Variants in SCHIP1 observed in about 807,000 individuals in gnomAD.
The protein encoded by SCHIP1 is schwannomin-interacting protein 1.
Under a neutral mutation model 29.7 loss-of-function variants are expected in SCHIP1, and 8 were observed. The observed-to-expected ratio is 0.27, with a 90% CI of 0.16 to 0.49. SCHIP1 has a LOEUF of 0.49. SCHIP1 is among the 20% of genes least tolerant of loss of function. The pLI, the probability that SCHIP1 is intolerant of heterozygous loss-of-function variation, is 0.99. For missense variants in SCHIP1, 193 were observed against 294.6 expected, an observed-to-expected ratio of 0.66 and a Z score of 2.52; for synonymous variants, 76 against 94.9, an observed-to-expected ratio of 0.80 and a Z score of 1.16.
chr3:159,799,580 G>A, the SCHIP1 span, among the ~76,000 whole-genome samples: 1 of 152,216 alleles, frequency 6.6e-6, no homozygotes, highest in Non-Finnish European at 1.5e-5. Context: ...ACAGGTTTAA[G>A]TGTGATAATA....
At chr3:159,396,926 G>A in the SCHIP1 span, among the ~76,000 whole-genome samples, 1 of 147,962 alleles carries the variant, frequency 6.8e-6, no homozygotes, top group Non-Finnish European at 1.5e-5. Context: ...TTTTCAACTT[G>A]GTTCCATTCT....
the SCHIP1 span, among the ~76,000 whole-genome samples, chr3:159,663,580 C>A: frequency 6.6e-6 from 1 of 152,190 alleles, no homozygotes; most frequent in Admixed American, 6.5e-5. Flanking sequence ...TTAACAGTAC[C>A]TAACTCAGTG....
chr3:159,361,556 C>T, the SCHIP1 span, among the ~76,000 whole-genome samples: 1 of 152,152 alleles, frequency 6.6e-6, no homozygotes, highest in East Asian at 1.9e-4. Flanking sequence ...GGAACCACTG[C>T]AGGGTTTTGA....
At chr3:159,453,826 C>A in the SCHIP1 span, among the ~76,000 whole-genome samples, 25 of 152,178 alleles carry the variant, frequency 1.6e-4, no homozygotes, top group South Asian at 8.3e-4. Flanking sequence ...GCCTTCTGCT[C>A]ATCCTTCAAG....
At chr3:159,398,884 G>C in the SCHIP1 span, 6 of 770,196 alleles carry the variant, frequency 7.8e-6, no homozygotes, top group Non-Finnish European at 9.5e-6. Context: ...GGACACCCAA[G>C]TAGAAACGTC....
chr3:159,284,786 C>A, the SCHIP1 span, among the ~76,000 whole-genome samples: 4 of 152,138 alleles, frequency 2.6e-5, no homozygotes, highest in Non-Finnish European at 5.9e-5. Context: ...CTTGAGCCAC[C>A]ACGCCTGGCC....
chr3:159,884,870 C>T (rs955350075), intron 2 of SCHIP1, among the ~76,000 whole-genome samples: 2 of 152,102 alleles, frequency 1.3e-5, no homozygotes, highest in Non-Finnish European at 2.9e-5. Context: ...GGGCCTGGCT[C>T]CCCCTTGCCT....
chr3:159,379,027 G>A, the SCHIP1 span, among the ~76,000 whole-genome samples: 1 of 152,178 alleles, frequency 6.6e-6, no homozygotes, highest in South Asian at 2.1e-4. Flanking sequence ...CCTTCATTGA[G>A]GTTGTTTACA....
At chr3:159,822,146 C>T in the SCHIP1 span, among the ~76,000 whole-genome samples, 4 of 152,104 alleles carry the variant, frequency 2.6e-5, no homozygotes, top group African/African-American at 9.7e-5. Flanking sequence ...TATTTTTCTC[C>T]AGCCACATAT....
the SCHIP1 span, among the ~76,000 whole-genome samples, chr3:159,404,979 A>T: frequency 4.6e-5 from 7 of 152,236 alleles, no homozygotes; most frequent in Non-Finnish European, 8.8e-5. Context: ...GTAAGGGAAT[A>T]GAAGAGTCTC....
the SCHIP1 span, among the ~76,000 whole-genome samples, chr3:159,708,975 T>C: frequency 5.3e-5 from 8 of 152,242 alleles, no homozygotes; most frequent in South Asian, 8.3e-4. Flanking sequence ...CTGAACCCAA[T>C]TGGAAGCCAG....
the SCHIP1 span, among the ~76,000 whole-genome samples, chr3:159,561,829 T>C: frequency 6.6e-6 from 1 of 152,178 alleles, no homozygotes; most frequent in African/African-American, 2.4e-5. Flanking sequence ...TTAACCCCTC[T>C]GGAGCAATAG....
the SCHIP1 span, among the ~76,000 whole-genome samples, chr3:159,356,114 C>T: frequency 2.0e-5 from 3 of 151,750 alleles, no homozygotes; most frequent in Admixed American, 6.6e-5. Context: ...TGCTAGATGA[C>T]GAGTTAGTGG....
the SCHIP1 span, among the ~76,000 whole-genome samples, chr3:159,571,525 G>A: frequency 1.3e-5 from 2 of 152,284 alleles, no homozygotes; most frequent in South Asian, 4.1e-4. Flanking sequence ...GCTGGATTCG[G>A]TTTGCCAGTA....
At chr3:159,626,097 G>T in the SCHIP1 span, among the ~76,000 whole-genome samples, 1,903 of 84,630 alleles carry the variant, frequency 0.022, 111 homozygotes, top group African/African-American at 0.16. Context: ...TATATAGATA[G>T]ATAGATAGAT....
chr3:159,324,075 G>C, the SCHIP1 span, among the ~76,000 whole-genome samples: 197 of 152,192 alleles, frequency 1.3e-3, no homozygotes, highest in Admixed American at 3.1e-3. Flanking sequence ...CTTATAACAG[G>C]TTATTTATTA....
intron 1 of SCHIP1, among the ~76,000 whole-genome samples, chr3:159,851,639 G>C (rs955991975): frequency 6.6e-6 from 1 of 152,112 alleles, no homozygotes; most frequent in African/African-American, 2.4e-5. Context: ...ACATACACAG[G>C]GTCCTTCAAA....
At chr3:159,344,225 G>GC in the SCHIP1 span, among the ~76,000 whole-genome samples, 1 of 151,678 alleles carries the variant, frequency 6.6e-6, no homozygotes, top group African/African-American at 2.4e-5. Flanking sequence ...GAAGGCTGAG[G>GC]CAGGAGAATC....
At chr3:159,409,609 A>G in the SCHIP1 span, among the ~76,000 whole-genome samples, 5 of 152,248 alleles carry the variant, frequency 3.3e-5, no homozygotes, top group East Asian at 5.8e-4. Context: ...TGAAAACTAT[A>G]AAAGAATGAT....
Sources: gnomAD v4.1 joint callset for allele counts (sites outside exome capture counted in the v4.1 genomes callset) on GRCh38, gnomAD v4.1.1 for gene constraint, MANE v1.5 for transcripts, NCBI Gene and HGNC (gene_info 2026-07-23, HGNC 2026-07-21) for gene names.